Variants in SLC24A2 observed in about 807,000 individuals in gnomAD.
SLC24A2 encodes the protein solute carrier family 24 member 2.
Under a neutral mutation model 62.0 loss-of-function variants are expected in SLC24A2, and 36 were observed. The ratio of observed to expected loss-of-function variants is 0.58; its 90% CI spans 0.44 to 0.77. SLC24A2 has a LOEUF of 0.77. SLC24A2 is among the 30% of genes least tolerant of loss of function. SLC24A2 has a pLI of 0.00. For missense variants in SLC24A2, 846 were observed against 817.9 expected (o/e 1.03, Z -0.42); for synonymous variants, 358 against 294.0 (o/e 1.22, Z -2.23).
At chr9:19,601,852 C>G (rs1311741320) in intron 4 of SLC24A2, among the ~76,000 whole-genome samples, 1 of 152,086 alleles carries the variant, frequency 6.6e-6, no homozygotes, top group African/African-American at 2.4e-5. Flanking sequence ...TAGTTGTATT[C>G]TAGAATTGTG....
intron 2 of SLC24A2, among the ~76,000 whole-genome samples, chr9:19,665,863 G>A (rs950184162): frequency 6.6e-6 from 1 of 151,992 alleles, no homozygotes; most frequent in Non-Finnish European, 1.5e-5. Context: ...ATGTTGCCCA[G>A]ACTCCATGTG....
At chr9:19,592,690 G>C (rs1026679692) in intron 5 of SLC24A2, among the ~76,000 whole-genome samples, 7 of 152,070 alleles carry the variant, frequency 4.6e-5, no homozygotes, top group Non-Finnish European at 4.4e-5. Context: ...TTTTGAACTA[G>C]CATTCTATAT....
At chr9:19,723,078 A>C (rs1315675058) in intron 2 of SLC24A2, among the ~76,000 whole-genome samples, 1 of 152,174 alleles carries the variant, frequency 6.6e-6, no homozygotes, top group East Asian at 1.9e-4. Flanking sequence ...GGTGGTAGTG[A>C]TAAAATTATC....
At chr9:19,575,470 C>T (rs1835981914) in intron 6 of SLC24A2, among the ~76,000 whole-genome samples, 1 of 152,232 alleles carries the variant, frequency 6.6e-6, no homozygotes, top group Non-Finnish European at 1.5e-5. Flanking sequence ...GGCATAATAT[C>T]TAACCTGTGT....
At chr9:19,912,466 G>C in the SLC24A2 span, among the ~76,000 whole-genome samples, 1 of 152,132 alleles carries the variant, frequency 6.6e-6, no homozygotes, top group African/African-American at 2.4e-5. Context: ...TTGGCTCACA[G>C]TCAGGATTAG....
intron 5 of SLC24A2, among the ~76,000 whole-genome samples, chr9:19,585,220 C>T: frequency 6.6e-6 from 1 of 152,258 alleles, no homozygotes; most frequent in Non-Finnish European, 1.5e-5. Flanking sequence ...TGTCTTGTCT[C>T]TCTTACTTAG....
the SLC24A2 span, among the ~76,000 whole-genome samples, chr9:19,962,554 A>G: frequency 6.6e-6 from 1 of 152,150 alleles, no homozygotes; most frequent in African/African-American, 2.4e-5. Context: ...AGTGGTTTGT[A>G]GTTCTCCTTG....
intron 7 of SLC24A2, among the ~76,000 whole-genome samples, chr9:19,571,673 G>A (rs1431835343): frequency 1.3e-5 from 2 of 152,196 alleles, no homozygotes; most frequent in Middle Eastern, 6.3e-3. Context: ...GAATTTGTAA[G>A]TACATTAAAG....
At chr9:20,134,744 C>T in the SLC24A2 span, among the ~76,000 whole-genome samples, 10 of 152,090 alleles carry the variant, frequency 6.6e-5, no homozygotes, top group Non-Finnish European at 1.3e-4. Flanking sequence ...CTAACTGCAC[C>T]TGGGCCACTA....
chr9:20,229,827 C>T, the SLC24A2 span, among the ~76,000 whole-genome samples: 2 of 151,838 alleles, frequency 1.3e-5, no homozygotes, highest in African/African-American at 4.8e-5. Flanking sequence ...TGGTATGCTG[C>T]ACCCATTAAC....
At position 19,516,495 on chromosome 9, in the gene SLC24A2, C is replaced by G. The variant is rs562613530; in HGVS notation, c.1737-93G>C. The G allele has an allele frequency of 2.2e-5, 32 of 1,430,470 alleles. No individual in the cohort carries two copies. In the East Asian group the frequency reaches 7.8e-4, roughly 35 times the overall value. 88.6% of individuals were successfully genotyped at this position (1,430,470 alleles called of 1,614,324 possible). On this transcript the variant is annotated intron_variant, in intron 10 of 10. Coordinates refer to ENST00000341998, the MANE Select transcript of SLC24A2 (RefSeq NM_020344.4). ...GGCAAATATAACCTATTATTACCTT[C>G]TCAGGAACTCTAAACTGAAAAGGGT...
At chr9:19,980,571 C>T in the SLC24A2 span, among the ~76,000 whole-genome samples, 11 of 152,204 alleles carry the variant, frequency 7.2e-5, no homozygotes, top group East Asian at 1.9e-3. Context: ...CAAATTCCCA[C>T]CAATTAGAAA....
the SLC24A2 span, among the ~76,000 whole-genome samples, chr9:20,240,208 G>A: frequency 6.6e-6 from 1 of 152,058 alleles, no homozygotes; most frequent in African/African-American, 2.4e-5. Flanking sequence ...CACCCTACCT[G>A]GGCAGAAGAT....
At chr9:19,637,648 A>T (rs923186524) in intron 2 of SLC24A2, among the ~76,000 whole-genome samples, 2 of 152,232 alleles carry the variant, frequency 1.3e-5, no homozygotes, top group African/African-American at 4.8e-5. Flanking sequence ...TGGTGTTTTT[A>T]AGTAGTTGTT....
At chr9:20,117,958 T>C in the SLC24A2 span, among the ~76,000 whole-genome samples, 1 of 152,116 alleles carries the variant, frequency 6.6e-6, no homozygotes, top group Non-Finnish European at 1.5e-5. Context: ...GTCAGTGTCA[T>C]ACTTTAAGCA....
chr9:19,808,896 G>A, the SLC24A2 span, among the ~76,000 whole-genome samples: 1 of 152,126 alleles, frequency 6.6e-6, no homozygotes, highest in Non-Finnish European at 1.5e-5. This position sits in a 1 kb window ranked among gnomAD's most constrained non-coding sequence, Gnocchi z 4.1. Flanking sequence ...GATTTACCAT[G>A]CCTTACAAAT....
the SLC24A2 span, among the ~76,000 whole-genome samples, chr9:19,857,261 A>G: frequency 3.3e-5 from 5 of 152,240 alleles, no homozygotes; most frequent in East Asian, 9.7e-4. Context: ...TACATCTCCT[A>G]TTACTGACTT....
At position 19,510,820 on chromosome 9, in the gene SLC24A2, C is replaced by G. The variant is rs994843563; in HGVS notation, c.*5333G>C. ...TCGTACGCTAATTTGAAAACAGTTGCCTAGCCTGTCGTAATTGCAGGGTCA... is the reference window on the plus strand; with the variant it reads ...TCGTACGCTAATTTGAAAACAGTTGGCTAGCCTGTCGTAATTGCAGGGTCA... On this transcript the variant is annotated 3_prime_UTR_variant, in exon 11 of 11. Transcript: ENST00000341998. 2.0e-5 allele frequency: 3 copies of G among 152,226 alleles called. No individual in the cohort carries two copies. Among genetic ancestry groups the G allele is most frequent in the African/African-American group, 4.8e-5 (2 of 41,450 alleles). 9.4% of individuals were successfully genotyped at this position (152,226 alleles called of 1,614,324 possible).
intron 4 of SLC24A2, among the ~76,000 whole-genome samples, chr9:19,604,998 T>A (rs1836944211): frequency 6.6e-6 from 1 of 152,230 alleles, no homozygotes; most frequent in African/African-American, 2.4e-5. Context: ...TTACTCCTAT[T>A]AAATACTAGA....
Sources: allele counts gnomAD v4.1 joint callset (sites outside exome capture counted in the v4.1 genomes callset), GRCh38; gene constraint gnomAD v4.1.1; non-coding constraint Gnocchi (gnomAD v3.1); transcripts MANE v1.5; gene names NCBI Gene and HGNC (gene_info 2026-07-23, HGNC 2026-07-21).